Variants in CSMD2 observed in about 807,000 individuals in gnomAD.
CSMD2 encodes CUB and Sushi multiple domains 2, also known as CUB and sushi domain-containing protein 2.
CSMD2 carries 130 observed loss-of-function variants against 398.5 expected under a neutral mutation model. The ratio of observed to expected loss-of-function variants is 0.33; its 90% CI spans 0.28 to 0.38. The LOEUF (loss-of-function observed/expected upper bound fraction) is 0.38, where lower values mean the gene tolerates loss of function less well. CSMD2 is among the 10% of genes least tolerant of loss of function. The pLI, the probability that CSMD2 is intolerant of heterozygous loss-of-function variation, is 1.00. For synonymous variants in CSMD2, 1,828 were observed against 1,908.5 expected (o/e 0.96, Z 1.10); for missense variants, 3,829 against 4,764.9 (o/e 0.80, Z 5.78).
At chr1:33,757,597 A>C (rs1569765617) in intron 13 of CSMD2, among the ~76,000 whole-genome samples, 1 of 151,630 alleles carries the variant, frequency 6.6e-6, no homozygotes, top group East Asian at 1.9e-4. Context: ...AGTAACCCAA[A>C]CCCTCCTACC....
In CSMD2 at chr1:34,129,296, G is replaced by C. The variant is rs548538563; in HGVS notation, c.187+35615C>G. 2.0e-5 allele frequency among the ~76,000 whole-genome samples: 3 copies of C among 152,214 alleles called. No individual in the cohort carries two copies. In the East Asian group the frequency reaches 5.8e-4, roughly 29 times the overall value. On this transcript the variant is annotated intron_variant, in intron 1 of 70. Transcript: ENST00000373381. Reference sequence around the variant, plus strand: ...TGTAGAAGCGTGTGTGTGTGCACATGTGCTTACATGTATCAGTTACAATAC... The same window carrying C: ...TGTAGAAGCGTGTGTGTGTGCACATCTGCTTACATGTATCAGTTACAATAC...
chr1:33,778,879 A>C (rs1652343538), intron 12 of CSMD2, among the ~76,000 whole-genome samples: 1 of 152,056 alleles, frequency 6.6e-6, no homozygotes, highest in Admixed American at 6.5e-5. Flanking sequence ...GTCAGCCTGG[A>C]TTGCCCTGTC....
At chr1:34,054,865 T>G (rs1224149923) in intron 2 of CSMD2, among the ~76,000 whole-genome samples, 1 of 152,200 alleles carries the variant, frequency 6.6e-6, no homozygotes, top group Non-Finnish European at 1.5e-5. Flanking sequence ...GAACTACGTC[T>G]CTGTAAGGAG....
chr1:33,759,889 G>T (rs1357278096), intron 13 of CSMD2, among the ~76,000 whole-genome samples: 1 of 152,094 alleles, frequency 6.6e-6, no homozygotes, highest in Non-Finnish European at 1.5e-5. Flanking sequence ...AAGCAAATAG[G>T]GATATATTGT....
chr1:33,652,817 C>T (rs1459130908), intron 27 of CSMD2, among the ~76,000 whole-genome samples: 3 of 152,178 alleles, frequency 2.0e-5, no homozygotes, highest in Non-Finnish European at 2.9e-5. Flanking sequence ...TGCAGTAGCG[C>T]GATCTCGGCT....
intron 2 of CSMD2, among the ~76,000 whole-genome samples, chr1:34,053,144 T>A (rs1401813860): frequency 6.6e-6 from 1 of 152,208 alleles, no homozygotes; most frequent in Non-Finnish European, 1.5e-5. Context: ...TTCCCACGCC[T>A]TCTCTTGGGG....
intron 3 of CSMD2, among the ~76,000 whole-genome samples, chr1:33,974,518 A>T (rs1645889091): frequency 6.6e-6 from 1 of 152,192 alleles, no homozygotes; most frequent in Non-Finnish European, 1.5e-5. Context: ...CCCAGAAGGC[A>T]CTCCAACGAT....
At chr1:33,903,892 C>T (rs190668625) in intron 5 of CSMD2, among the ~76,000 whole-genome samples, 1 of 151,814 alleles carries the variant, frequency 6.6e-6, no homozygotes, top group African/African-American at 2.4e-5. Context: ...GTTTTTTTAA[C>T]TTGGAAGGAA....
intron 1 of CSMD2, among the ~76,000 whole-genome samples, chr1:34,127,545 A>G (rs563483443): frequency 6.6e-6 from 1 of 152,052 alleles, no homozygotes; most frequent in South Asian, 2.1e-4. Context: ...AGGTAGGAGG[A>G]GGATGTGGAA....
chr1:33,881,913 A>T (rs1570382937), intron 5 of CSMD2, among the ~76,000 whole-genome samples: 1 of 152,168 alleles, frequency 6.6e-6, no homozygotes, highest in Admixed American at 6.6e-5. Flanking sequence ...TTTAATCCCC[A>T]TGTGTTGTAT....
chr1:33,903,201 C>T (rs1000129978), intron 5 of CSMD2, among the ~76,000 whole-genome samples: 8 of 152,118 alleles, frequency 5.3e-5, no homozygotes. Flanking sequence ...CACAGTCTCT[C>T]TCTGAGGTTG....
intron 5 of CSMD2, chr1:33,861,081 G>A (rs1037443733): frequency 1.3e-5 from 2 of 152,194 alleles, no homozygotes; most frequent in African/African-American, 4.8e-5. Flanking sequence ...TTGTTATGAG[G>A]ACTGAATGGA....
intron 13 of CSMD2, among the ~76,000 whole-genome samples, chr1:33,747,332 A>G (rs1274539266): frequency 6.6e-6 from 1 of 152,240 alleles, no homozygotes; most frequent in Admixed American, 6.5e-5. Flanking sequence ...ACTCTAGGGT[A>G]GAATATTCCA....
At chr1:34,026,857 G>C (rs1013762117) in intron 3 of CSMD2, among the ~76,000 whole-genome samples, 1 of 152,092 alleles carries the variant, frequency 6.6e-6, no homozygotes, top group Non-Finnish European at 1.5e-5. Context: ...CCATGAACTC[G>C]GAGTGACACA....
At chr1:33,700,019 T>TC (rs1248283132) in intron 23 of CSMD2, among the ~76,000 whole-genome samples, 2 of 151,510 alleles carry the variant, frequency 1.3e-5, no homozygotes, top group African/African-American at 2.4e-5. Flanking sequence ...CATTTTTTTT[T>TC]TTCTTTTTTT....
chr1:34,140,961 C>T (rs900261865), intron 1 of CSMD2, among the ~76,000 whole-genome samples: 15 of 152,088 alleles, frequency 9.9e-5, no homozygotes, highest in African/African-American at 2.4e-5. Flanking sequence ...CCTGCAGCCC[C>T]AGCCACCACA....
At chr1:34,137,516 G>A (rs1373610417) in intron 1 of CSMD2, among the ~76,000 whole-genome samples, 1 of 152,082 alleles carries the variant, frequency 6.6e-6, no homozygotes. Flanking sequence ...GTAACCTCCA[G>A]TGTCCATTCT....
intron 1 of CSMD2, among the ~76,000 whole-genome samples, chr1:34,131,678 G>C (rs1663365441): frequency 6.6e-6 from 1 of 152,200 alleles, no homozygotes; most frequent in African/African-American, 2.4e-5. Context: ...GCAGCACAGA[G>C]TGGGGATCCC....
intron 25 of CSMD2, among the ~76,000 whole-genome samples, chr1:33,676,367 A>T (rs1228639177): frequency 6.6e-6 from 1 of 152,354 alleles, no homozygotes; most frequent in Non-Finnish European, 1.5e-5. Context: ...CAATTGCTTC[A>T]AAGTGAGTAA....
Sources: allele counts gnomAD v4.1 joint callset (sites outside exome capture counted in the v4.1 genomes callset), GRCh38; gene constraint gnomAD v4.1.1; transcripts MANE v1.5; gene names NCBI Gene and HGNC (gene_info 2026-07-23, HGNC 2026-07-21).